Variants in GLRX3 observed in about 807,000 individuals in gnomAD.
GLRX3 encodes the protein glutaredoxin-3.
In GLRX3, 22 loss-of-function variants were observed where a neutral mutation model predicts 49.5. The ratio of observed to expected loss-of-function variants is 0.44; its 90% CI spans 0.32 to 0.63. GLRX3 has a LOEUF of 0.63. Ranked by LOEUF, GLRX3 falls within the 30% of genes least tolerant of loss-of-function variation. GLRX3 has a pLI of 0.05. For missense variants in GLRX3, 385 were observed against 396.3 expected (o/e 0.97, Z 0.24); for synonymous variants, 133 against 140.0 (o/e 0.95, Z 0.35).
Position 130,136,455 on chromosome 10 carries a change from C to T in GLRX3, c.35C>T (p.Ala12Val). Residue 12 changes from alanine to valine, a missense_variant, in exon 1 of 11, where the codon GCC (alanine) becomes GTC (valine). Ala to Val is a moderately conservative substitution (Grantham distance 64). Around this residue, in one of 2 missense-constraint regions of GLRX3, gnomAD observed 374 missense variants for 358.6 expected, o/e 1.04. Coordinates refer to ENST00000331244, the MANE Select transcript of GLRX3 (RefSeq NM_006541.5). ...GGGGCGGCTGAGGCAGCTGTAGCGG[C>T]CGTGGAGGAGGTCGGCTCAGCCGGG... ...AAGAAEAAVAAVEEVGSAGQF... is the reference protein window; with the variant it reads ...AAGAAEAAVAVVEEVGSAGQF... 10 of 1,264,226 alleles carry T rather than the reference C, an allele frequency of 7.9e-6. No individual in the cohort carries two copies. The highest frequency in any genetic ancestry group is 3.5e-5 in the South Asian group (1 of 28,342). 78.3% of individuals were successfully genotyped at this position (1,264,226 alleles called of 1,614,324 possible).
At chr10:130,166,797 C>T (rs1303917912) in intron 5 of GLRX3, 118 bp downstream of exon 5, 5 of 904,800 alleles carry the variant, frequency 5.5e-6, no homozygotes, top group Non-Finnish European at 8.9e-6. Context: ...TAATAAGAAC[C>T]TGCAATGAAT....
At chr10:130,149,343 G>C (rs975248480) in intron 2 of GLRX3, among the ~76,000 whole-genome samples, 1 of 151,880 alleles carries the variant, frequency 6.6e-6, no homozygotes, top group Admixed American at 6.6e-5. Flanking sequence ...TCGGGAGGCC[G>C]AGGCAGGAGA....
At chr10:130,169,006 G>A (rs1862750359) in intron 6 of GLRX3, among the ~76,000 whole-genome samples, 1 of 152,148 alleles carries the variant, frequency 6.6e-6, no homozygotes, top group Non-Finnish European at 1.5e-5. Context: ...GAGGTTTAAC[G>A]CTGTCACCCT....
intron 10 of GLRX3, 148 bp downstream of exon 10, chr10:130,175,237 T>C (rs1862894009): frequency 3.1e-6 from 2 of 646,012 alleles, no homozygotes; most frequent in Non-Finnish European, 5.6e-6. Flanking sequence ...TATCACCGTT[T>C]CTGTGTGCAT....
intron 10 of GLRX3, among the ~76,000 whole-genome samples, chr10:130,176,776 C>CTT (rs71007601): frequency 0.031 from 2,466 of 80,408 alleles, 101 homozygotes; most frequent in African/African-American, 0.1. Flanking sequence ...CTCCCTCTTT[C>CTT]TCTCTCTCTC....
At chr10:130,159,953 A>G in intron 2 of GLRX3, 42 bp from the exon 3 acceptor site, 4 of 1,356,794 alleles carry the variant, frequency 2.9e-6, no homozygotes, top group East Asian at 2.3e-5. Flanking sequence ...GTAGTGAAAA[A>G]GGACCTTGTA....
chr10:130,151,613 CAT>C, intron 2 of GLRX3, among the ~76,000 whole-genome samples: 1 of 151,972 alleles, frequency 6.6e-6, no homozygotes, highest in South Asian at 2.1e-4. Flanking sequence ...TGAGTGAGAA[CAT>C]GTGGTGTTTG....
chr10:130,155,653 G>C (rs1862457933), intron 2 of GLRX3, among the ~76,000 whole-genome samples: 1 of 152,172 alleles, frequency 6.6e-6, no homozygotes, highest in Non-Finnish European at 1.5e-5. Context: ...ATAGAGCTCT[G>C]AGTGCAGGTG....
chr10:130,168,074 A>G (rs971570534), intron 6 of GLRX3, among the ~76,000 whole-genome samples: 1 of 152,158 alleles, frequency 6.6e-6, no homozygotes, highest in African/African-American at 2.4e-5. Context: ...CCTTGTCTCC[A>G]TCAGACCTCC....
intron 2 of GLRX3, 79 bp downstream of exon 2, chr10:130,145,398 C>T (rs1310586571): frequency 7.0e-6 from 5 of 716,448 alleles, no homozygotes; most frequent in East Asian, 5.2e-5. Context: ...TGCGGTAGCT[C>T]ACACCTGTAA....
At chr10:130,145,947 C>T (rs371818424) in intron 2 of GLRX3, among the ~76,000 whole-genome samples, 2 of 152,076 alleles carry the variant, frequency 1.3e-5, no homozygotes, top group Non-Finnish European at 2.9e-5. Flanking sequence ...GCACATGCCA[C>T]CACACCCAGC....
rs1263731410 is a variant in GLRX3 at position 130,148,055 on chromosome 10, C to A, written c.201+2736C>A. Among the ~76,000 whole-genome samples, 3 of 152,196 alleles carry A rather than the reference C, an allele frequency of 2.0e-5. No homozygotes were observed. In the East Asian group the frequency reaches 5.8e-4, roughly 29 times the overall value. On this transcript the variant is annotated intron_variant, in intron 2 of 10. Transcript: ENST00000331244. ...AGGAATGTAGTTCATTTTAAAACAG[C>A]TTTCTTTTTGTTAATGAGAGTTTTT... is the stretch of plus-strand genomic sequence containing the variant.
At chr10:130,170,397 G>A (rs1301310343) in intron 7 of GLRX3, among the ~76,000 whole-genome samples, 1 of 152,146 alleles carries the variant, frequency 6.6e-6, no homozygotes, top group Non-Finnish European at 1.5e-5. Flanking sequence ...CATAACTAGT[G>A]TATAAGTTAA....
chr10:130,160,554 T>G (rs1862554867), intron 3 of GLRX3, among the ~76,000 whole-genome samples: 1 of 152,218 alleles, frequency 6.6e-6, no homozygotes, highest in Non-Finnish European at 1.5e-5. Flanking sequence ...GGGGCAGTCT[T>G]TTTTGTATTA....
In GLRX3 at chr10:130,142,324, C is replaced by G. The variant is rs572608036; in HGVS notation, c.93-2887C>G. On this transcript the variant is annotated intron_variant, in intron 1 of 10. Coordinates refer to ENST00000331244, the MANE Select transcript of GLRX3 (RefSeq NM_006541.5). ...CATCTCCCCAAGCCCTCCTTCCACT[C>G]TCACCTCTCCCAACACTTACCATTT... Among the ~76,000 whole-genome samples the G allele has an allele frequency of 6.5e-4, 99 of 152,272 alleles. 1 individual carries two copies. In the South Asian group the frequency reaches 0.02, roughly 31 times the overall value.
intron 2 of GLRX3, among the ~76,000 whole-genome samples, chr10:130,147,781 C>A (rs1862296172): frequency 1.3e-5 from 2 of 152,188 alleles, no homozygotes; most frequent in African/African-American, 4.8e-5. Flanking sequence ...TCGGCTCACA[C>A]CTGTAATCCC....
intron 1 of GLRX3, among the ~76,000 whole-genome samples, chr10:130,144,781 GTCT>G (rs2086533872): frequency 6.6e-6 from 1 of 152,186 alleles, no homozygotes; most frequent in African/African-American, 2.4e-5. Flanking sequence ...GTGTGCATGT[GTCT>G]TTATAGTAGA....
chr10:130,158,028 T>C (rs924481359), intron 2 of GLRX3, among the ~76,000 whole-genome samples: 11 of 152,200 alleles, frequency 7.2e-5, no homozygotes, highest in African/African-American at 2.2e-4. Flanking sequence ...TGTTCCCTTC[T>C]TCTTAAGATT....
intron 5 of GLRX3, 81 bp from the exon 6 acceptor site, chr10:130,166,838 A>G: frequency 3.0e-6 from 3 of 1,007,338 alleles, no homozygotes; most frequent in East Asian, 2.4e-5. Context: ...TGATTGATCA[A>G]TAATCTGTGT....
Sources: allele counts gnomAD v4.1 joint callset (sites outside exome capture counted in the v4.1 genomes callset), GRCh38; gene constraint gnomAD v4.1.1; regional missense constraint gnomAD v4.1.1; transcripts MANE v1.5; gene names NCBI Gene and HGNC (gene_info 2026-07-23, HGNC 2026-07-21).